PAGE1: variants seen among roughly 807,000 people sequenced by gnomAD.
PAGE1 encodes PAGE family member 1, also known as P antigen family member 1.
PAGE1 carries 6 observed loss-of-function variants against 11.5 expected under a neutral mutation model. That is an observed-to-expected ratio of 0.52 (90% CI 0.29 to 1.03). The LOEUF is 1.03. Ranked by LOEUF, PAGE1 falls within the 50% of genes least tolerant of loss-of-function variation. The probability of loss-of-function intolerance (pLI) is 0.09; values close to 1 mark genes in which losing one functional copy is unlikely to be tolerated. For synonymous variants in PAGE1, 42 were observed against 40.2 expected (o/e 1.05, Z -0.17); for missense variants, 120 against 110.2 (o/e 1.09, Z -0.40).
At chrX:49,689,808 G>GTATA (rs1557141796) in intron 4 of PAGE1, among the ~76,000 whole-genome samples, 1 of 54,841 alleles carries the variant, frequency 1.8e-5, no homozygotes, top group Non-Finnish European at 3.0e-5. Flanking sequence ...ATATATATGT[G>GTATA]TATATACACA....
chrX:49,689,008 T>C (rs782231503), intron 5 of PAGE1, among the ~76,000 whole-genome samples: 3 of 111,645 alleles, frequency 2.7e-5, no homozygotes, highest in South Asian at 3.8e-4. Context: ...AAGAATTCTA[T>C]TATTAAGGAG....
chrX:49,689,405 A>G lies in PAGE1; in HGVS notation c.418+13T>C. On this transcript the variant is annotated intron_variant, in intron 5 of 5. Coordinates refer to ENST00000376150, the MANE Select transcript of PAGE1 (RefSeq NM_003785.4). ...AGACACCCTACAATTTGCATGCCTA[A>G]TGGATTGCCTACCTTCCTCAGGTGT... is the stretch of plus-strand genomic sequence containing the variant. 9.1e-7 allele frequency: 1 copy of G among 1,102,896 alleles called. No individual in the cohort carries two copies. Among genetic ancestry groups the G allele is most frequent in the Non-Finnish European group, 1.2e-6 (1 of 831,271 alleles). The allele number at this position is 1,102,896 out of a possible 1,213,427, so 90.9% of individuals were successfully genotyped here. A position where few individuals can be genotyped will look rare whatever the true frequency, so the allele number is the denominator to read the frequency against.
At chrX:49,690,314 G>A (rs1001605307) in intron 4 of PAGE1, among the ~76,000 whole-genome samples, 2 of 107,868 alleles carry the variant, frequency 1.9e-5, no homozygotes, top group Admixed American at 2.0e-4. Flanking sequence ...CAGGAAAACA[G>A]GGTTTTCCAA....
At chrX:49,689,642 A>G (rs1389604159) in intron 4 of PAGE1, 99 bp from the exon 5 acceptor site, 2 of 93,367 alleles carry the variant, frequency 2.1e-5, no homozygotes, top group Non-Finnish European at 3.2e-5. Flanking sequence ...ATATACATAT[A>G]TATGTGTGTG....
At chrX:49,689,789 T>C (rs1314705692) in intron 4 of PAGE1, among the ~76,000 whole-genome samples, 9 of 61,967 alleles carry the variant, frequency 1.5e-4, no homozygotes, top group African/African-American at 2.8e-4. Context: ...TATACACACA[T>C]ATATATGTAT....
At chrX:49,694,061 CACA>C (rs782642358) in intron 3 of PAGE1, 35 bp downstream of exon 3, 103 of 820,290 alleles carry the variant, frequency 1.3e-4, no homozygotes, top group East Asian at 2.0e-4. Flanking sequence ...CACACACACA[CACA>C]CCCCAACAGG....
chrX:49,690,616 G>A (rs2066916599), intron 4 of PAGE1, among the ~76,000 whole-genome samples: 1 of 111,538 alleles, frequency 9.0e-6, no homozygotes, highest in Admixed American at 9.6e-5. Flanking sequence ...TATCCTGAAT[G>A]ACAAAGAAAA....
chrX:49,692,675 T>C (rs1259638850), intron 3 of PAGE1, among the ~76,000 whole-genome samples: 10 of 111,266 alleles, frequency 9.0e-5, no homozygotes, highest in East Asian at 5.6e-4. Flanking sequence ...AAATTTACCA[T>C]GGTAACTAAT....
intron 1 of PAGE1, among the ~76,000 whole-genome samples, 176 bp downstream of exon 1, chrX:49,695,693 C>T (rs782116413): frequency 1.8e-5 from 2 of 112,307 alleles, no homozygotes; most frequent in African/African-American, 3.2e-5. Context: ...AAGCCGATGG[C>T]GGCGTCGCAG....
chrX:49,689,879 TAC>T (rs1183547550), intron 4 of PAGE1, among the ~76,000 whole-genome samples: 1 of 56,719 alleles, frequency 1.8e-5, no homozygotes, highest in Non-Finnish European at 2.9e-5. Flanking sequence ...TATGTGTATA[TAC>T]ACACATATAT....
At chrX:49,689,754 ATATATACATATATATG>A (rs2066904262) in intron 4 of PAGE1, among the ~76,000 whole-genome samples, 1 of 63,484 alleles carries the variant, frequency 1.6e-5, no homozygotes, top group African/African-American at 6.8e-5. Context: ...GTATATGTGT[ATATATACATATATATG>A]TGTGTATATA....
At chrX:49,689,904 A>G (rs868963997) in intron 4 of PAGE1, among the ~76,000 whole-genome samples, 1 of 15,915 alleles carries the variant, frequency 6.3e-5, no homozygotes, top group Non-Finnish European at 9.0e-5. Flanking sequence ...GTGTATATAT[A>G]TGTGTATATA....
At position 49,694,211 on chromosome X, in the gene PAGE1, G is replaced by A. The variant is rs782200139; in HGVS notation, c.64-10C>T. On this transcript the variant is annotated splice_polypyrimidine_tract_variant and intron_variant, in intron 2 of 5. Coordinates refer to ENST00000376150, the MANE Select transcript of PAGE1 (RefSeq NM_003785.4). ...GCTCATCACTGGACTCCTTGTGGTA[G>A]GGAATATGTGTGTGAGTGTGCAAAG... The A allele has an allele frequency of 9.3e-6, 10 of 1,078,497 alleles. No homozygotes were observed. The Admixed American group carries it at 2.3e-4, about 25-fold the overall frequency. The allele number at this position is 1,078,497 out of a possible 1,213,427, so 88.9% of individuals were successfully genotyped here. A position where few individuals can be genotyped will look rare whatever the true frequency, so the allele number is the denominator to read the frequency against.
At chrX:49,692,944 A>T (rs1557142393) in intron 3 of PAGE1, among the ~76,000 whole-genome samples, 1 of 111,145 alleles carries the variant, frequency 9.0e-6, no homozygotes, top group East Asian at 2.8e-4. Flanking sequence ...CTAAATGACA[A>T]TCTAAGGATA....
At chrX:49,695,566 C>T (rs1198946125) in intron 1 of PAGE1, among the ~76,000 whole-genome samples, 2 of 111,641 alleles carry the variant, frequency 1.8e-5, no homozygotes, top group African/African-American at 3.3e-5. Context: ...CCTACCACCT[C>T]GGGACTTTGA....
chrX:49,692,773 C>T (rs1477518818), intron 3 of PAGE1, among the ~76,000 whole-genome samples: 5 of 107,287 alleles, frequency 4.7e-5, no homozygotes, highest in Non-Finnish European at 7.6e-5. Context: ...TCCTATATAA[C>T]GAAACATTTA....
intron 3 of PAGE1, among the ~76,000 whole-genome samples, chrX:49,692,520 A>G (rs993343996): frequency 1.8e-5 from 2 of 111,695 alleles, no homozygotes; most frequent in Non-Finnish European, 1.9e-5. Flanking sequence ...ATATGAGTTC[A>G]TTGTACTATT....
intron 4 of PAGE1, among the ~76,000 whole-genome samples, 168 bp from the exon 5 acceptor site, chrX:49,689,711 T>C (rs1342327371): frequency 2.1e-5 from 1 of 47,789 alleles, no homozygotes; most frequent in African/African-American, 7.4e-5. Flanking sequence ...TATATGTGTA[T>C]ATATGTATAT....
intron 3 of PAGE1, among the ~76,000 whole-genome samples, chrX:49,692,540 T>C (rs1380015720): frequency 1.8e-5 from 2 of 111,419 alleles, no homozygotes; most frequent in African/African-American, 6.5e-5. Flanking sequence ...TCTTGCAAAT[T>C]TTCTACAAAT....
Sources: allele counts gnomAD v4.1 joint callset (sites outside exome capture counted in the v4.1 genomes callset), GRCh38; gene constraint gnomAD v4.1.1; transcripts MANE v1.5; gene names NCBI Gene and HGNC (gene_info 2026-07-23, HGNC 2026-07-21).